The following C5orf34 variants were observed in gnomAD, a reference collection of about 807,000 sequenced individuals.
C5orf34 encodes the protein chromosome 5 open reading frame 34.
C5orf34 carries 73 observed loss-of-function variants against 78.4 expected under a neutral mutation model. The ratio of observed to expected loss-of-function variants is 0.93; its 90% CI spans 0.77 to 1.13. C5orf34 has a LOEUF of 1.13. C5orf34 is among the 50% of genes most tolerant of loss of function. The probability of loss-of-function intolerance (pLI) is 0.00; values close to 1 mark genes in which losing one functional copy is unlikely to be tolerated. For missense variants in C5orf34, 730 were observed against 732.7 expected (o/e 1.00, Z 0.04); for synonymous variants, 251 against 246.6 (o/e 1.02, Z -0.17).
intron 7 of C5orf34, 35 bp downstream of exon 7, chr5:43,494,475 A>C (rs936930061): frequency 1.5e-6 from 2 of 1,377,246 alleles, no homozygotes; most frequent in African/African-American, 2.8e-5. Flanking sequence ...GTTTAGACAC[A>C]TAACATTTGA....
At chr5:43,510,634 G>C (rs1341158196) in intron 1 of C5orf34, among the ~76,000 whole-genome samples, 2 of 152,232 alleles carry the variant, frequency 1.3e-5, no homozygotes, top group African/African-American at 4.8e-5. Flanking sequence ...GTGGAGACGG[G>C]GTTTCGCTGT....
At chr5:43,509,030 A>G (rs1746108942) in intron 2 of C5orf34, 115 bp downstream of exon 2, 1 of 741,612 alleles carries the variant, frequency 1.3e-6, no homozygotes, top group Admixed American at 2.6e-5. Context: ...ACTTGAGCCT[A>G]GGTGTTCGAG....
At chr5:43,492,929 A>T in intron 8 of C5orf34, 39 bp from the exon 9 acceptor site, 8 of 1,401,740 alleles carry the variant, frequency 5.7e-6, no homozygotes, top group Middle Eastern at 3.6e-4. Context: ...AAATAGAGTT[A>T]TCTAAGAACA....
chr5:43,492,528 G>A (rs751807855), intron 9 of C5orf34, among the ~76,000 whole-genome samples, 192 bp downstream of exon 9: 7 of 152,156 alleles, frequency 4.6e-5, no homozygotes, highest in South Asian at 2.1e-4. Context: ...TCTATAATCA[G>A]TTATCTTTAG....
rs182837224 is a variant in C5orf34 at position 43,507,242 on chromosome 5, T to C, written c.286-848A>G. 3.9e-4 allele frequency among the ~76,000 whole-genome samples: 60 copies of C among 152,338 alleles called. No individual in the cohort carries two copies. In the East Asian group the frequency reaches 0.011, roughly 28 times the overall value. On this transcript the variant is annotated intron_variant, in intron 3 of 12. Coordinates refer to ENST00000306862, the MANE Select transcript of C5orf34 (RefSeq NM_198566.4). The stretch of plus-strand genomic sequence containing the variant: ...TCATATAAGATATAAACAGTAGATA[T>C]TGCGTGAGAGGTTTTTACTGAATTA...
At chr5:43,490,600 C>G (rs372034058) in intron 11 of C5orf34, 31 bp downstream of exon 11, 9 of 1,374,496 alleles carry the variant, frequency 6.5e-6, no homozygotes, top group Non-Finnish European at 9.3e-6. Context: ...ATTAGCTCTT[C>G]TAAACAGATT....
At chr5:43,490,964 G>T (rs1338767439) in intron 10 of C5orf34, among the ~76,000 whole-genome samples, 6 of 152,040 alleles carry the variant, frequency 3.9e-5, no homozygotes. Flanking sequence ...TAATACAAGT[G>T]ACATTTAAGA....
chr5:43,507,020 G>C (rs551400599), intron 3 of C5orf34, among the ~76,000 whole-genome samples: 3 of 152,262 alleles, frequency 2.0e-5, no homozygotes, highest in African/African-American at 7.2e-5. Flanking sequence ...GGGAAATTCT[G>C]TCTTGCAGGG....
At chr5:43,495,984 C>T (rs1236920351) in intron 6 of C5orf34, 10 of 1,590,738 alleles carry the variant, frequency 6.3e-6, no homozygotes, top group South Asian at 1.1e-5. Flanking sequence ...TAGGGTGGCT[C>T]AGTGGAATCC....
Position 43,513,014 on chromosome 5 carries a change from C to T in C5orf34, c.-37+1792G>A, listed in dbSNP as rs190166606. On this transcript the variant is annotated intron_variant, in intron 1 of 12. Coordinates refer to ENST00000306862, the MANE Select transcript of C5orf34 (RefSeq NM_198566.4). The stretch of plus-strand genomic sequence containing the variant: ...GGCCAGAATGGTCTGGAACTCCACA[C>T]CTCGTGATCCACCCGTTTTGGCCTC... Among the ~76,000 whole-genome samples the T allele has an allele frequency of 2.6e-4, 40 of 152,124 alleles. No homozygotes were observed. In the East Asian group the frequency reaches 7.7e-3, roughly 29 times the overall value.
chr5:43,508,695 T>C (rs1746095482), intron 2 of C5orf34, 29 bp from the exon 3 acceptor site: 1 of 1,246,810 alleles, frequency 8.0e-7, no homozygotes. Flanking sequence ...AATGTAACCT[T>C]AATGTAAAAT....
chr5:43,496,007 C>A, intron 6 of C5orf34: 3 of 1,591,382 alleles, frequency 1.9e-6, no homozygotes, highest in Non-Finnish European at 2.6e-6. Context: ...TTTGTTAACA[C>A]CAACAATTAG....
chr5:43,493,269 A>C (rs1182849804), intron 8 of C5orf34, among the ~76,000 whole-genome samples: 1 of 152,120 alleles, frequency 6.6e-6, no homozygotes, highest in African/African-American at 2.4e-5. Context: ...ATCATGGTTT[A>C]TAATGACTAA....
Position 43,492,643 on chromosome 5 carries a change from T to C in C5orf34, c.1485+77A>G, listed in dbSNP as rs368319476. ...TACTTCAAAAAATGAACTGAAATAG[T>C]GTGGTACTTTGTTTTCTTTGTTCTG... On this transcript the variant is annotated intron_variant, in intron 9 of 12. Transcript: ENST00000306862. The C allele has an allele frequency of 1.2e-5, 15 of 1,211,852 alleles. No homozygotes were observed. In the African/African-American group the frequency reaches 1.8e-4, roughly 15 times the overall value. 75.1% of individuals were successfully genotyped at this position (1,211,852 alleles called of 1,614,324 possible). A position where few individuals can be genotyped will look rare whatever the true frequency, so the allele number is the denominator to read the frequency against.
intron 7 of C5orf34, among the ~76,000 whole-genome samples, chr5:43,494,233 C>T (rs763284249): frequency 2.2e-4 from 34 of 152,076 alleles, no homozygotes; most frequent in Non-Finnish European, 4.1e-4. Context: ...TGATGCCACA[C>T]TTATGCAAAG....
Position 43,486,921 on chromosome 5 carries a change from T to C in C5orf34, c.1911A>G (p.Lys637=). The C allele has an allele frequency of 6.6e-7, 1 of 1,509,870 alleles. No individual in the cohort carries two copies. Among genetic ancestry groups the C allele is most frequent in the Non-Finnish European group, 8.8e-7 (1 of 1,131,170 alleles). 93.5% of individuals were successfully genotyped at this position (1,509,870 alleles called of 1,614,324 possible). Residue 637 remains lysine, a synonymous_variant, in exon 13 of 13, where the codon AAA becomes AAG. Transcript: ENST00000306862. ...HDIDCLLSNS[K]K is the part of the protein sequence containing the mutation. The stretch of plus-strand genomic sequence containing the variant: ...GTTGTAATAATTCCATTTTTCACTT[T>C]TTAGAGTTTGATAGAAGACAGTCAA...
chr5:43,502,546 C>A, intron 5 of C5orf34, 51 bp from the exon 6 acceptor site: 1 of 1,094,962 alleles, frequency 9.1e-7, no homozygotes, highest in Non-Finnish European at 1.4e-6. Context: ...GAGATTAAAA[C>A]ATGCATGAAG....
chr5:43,492,970 C>A (rs998622880), intron 8 of C5orf34, 80 bp from the exon 9 acceptor site: 2 of 907,028 alleles, frequency 2.2e-6, no homozygotes, highest in South Asian at 2.2e-5. Flanking sequence ...GACTCTAGGG[C>A]AATTTTGGAT....
At chr5:43,487,292 A>G (rs890394081) in intron 12 of C5orf34, among the ~76,000 whole-genome samples, 181 bp from the exon 13 acceptor site, 2 of 152,182 alleles carry the variant, frequency 1.3e-5, no homozygotes, top group South Asian at 2.1e-4. Flanking sequence ...AACTAATTAC[A>G]GTATAAGGGA....
Sources: allele counts gnomAD v4.1 joint callset (sites outside exome capture counted in the v4.1 genomes callset), GRCh38; gene constraint gnomAD v4.1.1; transcripts MANE v1.5; gene names NCBI Gene and HGNC (gene_info 2026-07-23, HGNC 2026-07-21).